GMEB2: variants seen among roughly 807,000 people sequenced by gnomAD.
GMEB2 encodes glucocorticoid modulatory element binding protein 2.
In GMEB2, 7 loss-of-function variants were observed where a neutral mutation model predicts 45.7. The ratio of observed to expected loss-of-function variants is 0.15; its 90% confidence interval spans 0.09 to 0.29. GMEB2 has a LOEUF of 0.29. GMEB2 is among the 10% of genes least tolerant of loss of function. The pLI is 1.00. For synonymous variants in GMEB2, 322 were observed against 323.6 expected, an observed-to-expected ratio of 1.00 and a Z score of 0.05; for missense variants, 582 against 739.2, an observed-to-expected ratio of 0.79 and a Z score of 2.47.
chr20:63,617,593 G>A (rs1014081444), intron 2 of GMEB2, among the ~76,000 whole-genome samples: 2 of 151,840 alleles, frequency 1.3e-5, no homozygotes, highest in African/African-American at 2.4e-5. Flanking sequence ...AGACCACCCC[G>A]GCAGCCGCGG....
intron 1 of GMEB2, among the ~76,000 whole-genome samples, chr20:63,621,768 G>C (rs1057206984): frequency 2.8e-5 from 4 of 142,358 alleles, no homozygotes; most frequent in African/African-American, 1.1e-4. Context: ...TACTATAATA[G>C]AATGACTCAT....
chr20:63,590,667 G>T lies in GMEB2; in HGVS notation c.1015C>A (p.His339Asn). The T allele has an allele frequency of 6.4e-7, 1 of 1,551,698 alleles. No individual in the cohort carries two copies. Among genetic ancestry groups the T allele is most frequent in the Non-Finnish European group, 8.7e-7 (1 of 1,148,348 alleles). The change falls in exon 10 of 10, where the codon CAC (histidine) becomes AAC (asparagine). Residue 339 changes from histidine (H) to asparagine (N), a missense_variant. Physicochemically the swap from His to Asn is moderately conservative, Grantham distance 68. Coordinates refer to ENST00000370077, the MANE Select transcript of GMEB2 (RefSeq NM_012384.5). Reference protein sequence around the residue: ...RAKELKHKSQHLSNVLMTLTP... With the variant: ...RAKELKHKSQNLSNVLMTLTP... The stretch of plus-strand genomic sequence containing the variant: ...AGCGTCATGAGCACGTTGCTGAGGT[G>T]CTGGGACTTGTGCTTCAGCTCCTTG...
In GMEB2 at chr20:63,588,365, T is replaced by G; in HGVS notation, c.*1724A>C. On this transcript the variant is annotated 3_prime_UTR_variant, in exon 10 of 10. Transcript: ENST00000370077. ...ACAGGCAGCTGTATTAGTGACAGGTTCTGAGCTGGTGGGTGGGGGCCGCAG... is the reference window on the plus strand; with the variant it reads ...ACAGGCAGCTGTATTAGTGACAGGTGCTGAGCTGGTGGGTGGGGGCCGCAG... 6.0e-6 allele frequency: 1 copy of G among 165,830 alleles called. No homozygotes were observed. The highest frequency in any genetic ancestry group is 1.3e-5 in the Non-Finnish European group (1 of 77,512). 10.3% of individuals were successfully genotyped at this position (165,830 alleles called of 1,614,324 possible).
intron 1 of GMEB2, among the ~76,000 whole-genome samples, chr20:63,624,852 C>A (rs1229384901): frequency 2.0e-5 from 3 of 151,898 alleles, no homozygotes; most frequent in Non-Finnish European, 4.4e-5. Context: ...GGATTACAGG[C>A]GCCCACCACC....
At chr20:63,595,796 A>C (rs776088808) in intron 5 of GMEB2, 29 bp from the exon 6 acceptor site, 5 of 1,610,244 alleles carry the variant, frequency 3.1e-6, no homozygotes, top group Non-Finnish European at 4.2e-6. Context: ...TGGAGCGTCC[A>C]GGTCGGCCCC....
intron 2 of GMEB2, among the ~76,000 whole-genome samples, chr20:63,609,413 G>C (rs2089550314): frequency 2.5e-5 from 3 of 118,064 alleles, no homozygotes; most frequent in South Asian, 3.3e-4. Context: ...ATGCCCCTCT[G>C]ACCCCACCTC....
chr20:63,595,786 T>C lies in GMEB2; in HGVS notation c.462-19A>G, dbSNP rs746230235. The C allele has an allele frequency of 1.2e-6, 2 of 1,613,062 alleles. No homozygotes were observed. The highest frequency in any genetic ancestry group is 2.2e-5 in the South Asian group (2 of 91,080). Reference sequence around the variant, plus strand: ...GATCTTCCTGTGACAGACAGTGGCATGGAGCGTCCAGGTCGGCCCCAGAGC... The same window carrying C: ...GATCTTCCTGTGACAGACAGTGGCACGGAGCGTCCAGGTCGGCCCCAGAGC... On this transcript the variant is annotated intron_variant, in intron 5 of 9. Transcript: ENST00000370077.
In GMEB2 at chr20:63,590,015, T is replaced by C. The variant is rs2083129751; in HGVS notation, c.*74A>G. 4 of 1,372,990 alleles carry C rather than the reference T, an allele frequency of 2.9e-6. No homozygotes were observed. Among genetic ancestry groups the C allele is most frequent in the Non-Finnish European group, 3.9e-6 (4 of 1,035,824 alleles). 85.1% of individuals were successfully genotyped at this position (1,372,990 alleles called of 1,614,324 possible). A position where few individuals can be genotyped will look rare whatever the true frequency, so the allele number is the denominator to read the frequency against. On this transcript the variant is annotated 3_prime_UTR_variant, in exon 10 of 10. Coordinates refer to ENST00000370077, the MANE Select transcript of GMEB2 (RefSeq NM_012384.5). Reference sequence around the variant, plus strand: ...ACCTGCCCGAGCCAGCCCTGCGGCCTCTGCCCGCTCCCTGCTGCCGCGGCT... The same window carrying C: ...ACCTGCCCGAGCCAGCCCTGCGGCCCCTGCCCGCTCCCTGCTGCCGCGGCT...
intron 4 of GMEB2, among the ~76,000 whole-genome samples, chr20:63,600,291 C>T (rs1020202379): frequency 5.9e-5 from 9 of 151,872 alleles, no homozygotes; most frequent in South Asian, 2.1e-4. Context: ...GTGATTCACC[C>T]GCCTCGGCCT....
chr20:63,622,378 A>C (rs764525786), intron 1 of GMEB2, among the ~76,000 whole-genome samples: 6 of 152,230 alleles, frequency 3.9e-5, no homozygotes, highest in Non-Finnish European at 7.3e-5. Flanking sequence ...CTTCAATGCC[A>C]GAACTAACTC....
At chr20:63,614,391 A>C (rs2089592917) in intron 2 of GMEB2, among the ~76,000 whole-genome samples, 1 of 152,244 alleles carries the variant, frequency 6.6e-6, no homozygotes, top group Non-Finnish European at 1.5e-5. Flanking sequence ...GGACAGGGCC[A>C]CCAGAGGGCT....
intron 4 of GMEB2, among the ~76,000 whole-genome samples, 195 bp downstream of exon 4, chr20:63,602,770 G>A (rs188365256): frequency 0.027 from 3,859 of 144,796 alleles, 161 homozygotes; most frequent in African/African-American, 0.089. Flanking sequence ...CAGCGGGAGG[G>A]CCTCCCAGCC....
intron 4 of GMEB2, among the ~76,000 whole-genome samples, chr20:63,598,596 G>T (rs1384429834): frequency 6.6e-6 from 1 of 152,170 alleles, no homozygotes; most frequent in African/African-American, 2.4e-5. Context: ...GAGTACGGGG[G>T]CCGCCTCCAC....
At chr20:63,626,264 C>T (rs1487090661) in intron 1 of GMEB2, among the ~76,000 whole-genome samples, 1 of 14,904 alleles carries the variant, frequency 6.7e-5, no homozygotes. Context: ...AGTTGGGTGC[C>T]TGCCGGGTGG....
At chr20:63,609,000 A>AC (rs1569055490) in intron 2 of GMEB2, among the ~76,000 whole-genome samples, 2 of 29,182 alleles carry the variant, frequency 6.9e-5, no homozygotes, top group Admixed American at 2.4e-4. Flanking sequence ...TGCCCCTCTG[A>AC]CCCACACCTC....
chr20:63,626,149 G>A (rs1335993958), intron 1 of GMEB2, among the ~76,000 whole-genome samples: 1 of 151,548 alleles, frequency 6.6e-6, no homozygotes, highest in Non-Finnish European at 1.5e-5. Flanking sequence ...TCCAGGTCCC[G>A]CCTGTGAGCC....
At position 63,605,526 on chromosome 20, in the gene GMEB2, TAA is replaced by T. The variant is rs11306158; in HGVS notation, c.132-688_132-687del. 2.4e-3 allele frequency among the ~76,000 whole-genome samples: 309 copies of T among 128,302 alleles called. 1 individual carries two copies. Among genetic ancestry groups the T allele is most frequent in the Admixed American group, 2.8e-3 (35 of 12,612 alleles). The allele number at this position is 128,302 out of a possible 152,430, so 84.2% of individuals were successfully genotyped here. ...CGACAGAGCAAGATGCCGTCAAAATTAAAAAAAAAAAAAAAAAAGAAATGGCA... is the reference window on the plus strand; with the variant it reads ...CGACAGAGCAAGATGCCGTCAAAATTAAAAAAAAAAAAAAAAGAAATGGCA... On this transcript the variant is annotated intron_variant, in intron 2 of 9. Coordinates refer to ENST00000370077, the MANE Select transcript of GMEB2 (RefSeq NM_012384.5).
intron 4 of GMEB2, among the ~76,000 whole-genome samples, chr20:63,600,306 A>G (rs1369465245): frequency 1.3e-5 from 2 of 151,222 alleles, no homozygotes; most frequent in African/African-American, 4.9e-5. Context: ...CGGCCTCCCA[A>G]AGTGCTGGGA....
intron 2 of GMEB2, among the ~76,000 whole-genome samples, chr20:63,605,122 T>C (rs2089508934): frequency 6.6e-6 from 1 of 151,854 alleles, no homozygotes; most frequent in Non-Finnish European, 1.5e-5. Context: ...GACATGGTGG[T>C]ACATGCCTGT....
Sources: gnomAD v4.1 joint callset for allele counts (sites outside exome capture counted in the v4.1 genomes callset) on GRCh38, gnomAD v4.1.1 for gene constraint, MANE v1.5 for transcripts, NCBI Gene and HGNC (gene_info 2026-07-23, HGNC 2026-07-21) for gene names.